MAP3K8: variants seen among roughly 807,000 people sequenced by gnomAD.
MAP3K8 encodes mitogen-activated protein kinase kinase kinase 8.
In MAP3K8, 22 loss-of-function variants were observed where a neutral mutation model predicts 45.8. That is an observed-to-expected ratio of 0.48 (90% CI 0.34 to 0.69). The LOEUF (loss-of-function observed/expected upper bound fraction) is 0.69. Among genes scored for constraint, MAP3K8 ranks in the 30% least tolerant of loss-of-function variants. The pLI is 0.01. For missense variants in MAP3K8, 419 were observed against 585.0 expected (o/e 0.72, Z 2.93); for synonymous variants, 223 against 214.3 (o/e 1.04, Z -0.36).
In MAP3K8 at chr10:30,459,377, A is replaced by G. The variant is rs201275234; in HGVS notation, c.1149A>G (p.Leu383=). The change falls in exon 8 of 9, where the codon CTA becomes CTG. Residue 383 remains leucine (L), a synonymous_variant. Coordinates refer to ENST00000263056, the MANE Select transcript of MAP3K8 (RefSeq NM_005204.4). ...ACCGCCCAAGAGCCGCAGACCTACTAAAACATGAGGCCCTGAACCCGCCCA... is the reference window on the plus strand; with the variant it reads ...ACCGCCCAAGAGCCGCAGACCTACTGAAACATGAGGCCCTGAACCCGCCCA... ...PNHRPRAADL[L]KHEALNPPRE... is the part of the protein sequence containing the mutation. 3.1e-6 allele frequency: 5 copies of G among 1,614,152 alleles called. No homozygotes were observed. Among genetic ancestry groups the G allele is most frequent in the South Asian group, 2.2e-5 (2 of 91,086 alleles).
intron 6 of MAP3K8, among the ~76,000 whole-genome samples, chr10:30,452,849 T>TC (rs965927283): frequency 6.6e-6 from 1 of 151,868 alleles, no homozygotes; most frequent in African/African-American, 2.4e-5. Flanking sequence ...CTAATTTTTT[T>TC]TTTTTTTCAG....
At chr10:30,454,565 TAA>T (rs5784200) in intron 6 of MAP3K8, among the ~76,000 whole-genome samples, 227 of 140,330 alleles carry the variant, frequency 1.6e-3, no homozygotes, top group East Asian at 1.8e-3. Flanking sequence ...GACCTTGTCC[TAA>T]AAAAAAAAAA....
intron 6 of MAP3K8, 123 bp from the exon 7 acceptor site, chr10:30,457,961 G>C (rs1231273131): frequency 7.8e-6 from 6 of 770,714 alleles, no homozygotes; most frequent in Middle Eastern, 2.8e-4. Flanking sequence ...ATGGTTCCTG[G>C]GGAATGCCTG....
intron 8 of MAP3K8, 39 bp downstream of exon 8, chr10:30,459,540 T>C: frequency 6.2e-7 from 1 of 1,607,990 alleles, no homozygotes; most frequent in South Asian, 1.1e-5. Flanking sequence ...CTTACTTCCC[T>C]TCTCTTTCTG....
chr10:30,449,941 T>C (rs1159798643), intron 4 of MAP3K8, among the ~76,000 whole-genome samples: 7 of 152,218 alleles, frequency 4.6e-5, no homozygotes, highest in Non-Finnish European at 8.8e-5. Context: ...TGTTGTCTAA[T>C]AGGTGGGAAA....
intron 3 of MAP3K8, among the ~76,000 whole-genome samples, chr10:30,444,041 T>C (rs2132795911): frequency 6.6e-6 from 1 of 151,412 alleles, no homozygotes; most frequent in Middle Eastern, 3.4e-3. Context: ...AATAAAAAAG[T>C]CAGCCAGGTG....
Position 30,450,485 on chromosome 10 carries a change from A to G in MAP3K8, c.732A>G (p.Leu244=), listed in dbSNP as rs752130088. Residue 244 remains leucine (L), a synonymous_variant, in exon 5 of 9, where the codon CTA becomes CTG. Transcript: ENST00000263056. ...ATGTTCTCAAGGGACTTGATTTTCT[A>G]CACTCAAAGAAAGTGATCCATCATG... ...TKHVLKGLDF[L]HSKKVIHHDI... is the part of the protein sequence containing the mutation. 3.3e-5 allele frequency: 53 copies of G among 1,614,040 alleles called. No homozygotes were observed. The highest frequency in any genetic ancestry group is 4.2e-5 in the Non-Finnish European group (50 of 1,179,980).
In MAP3K8 at chr10:30,447,919, A is replaced by G. The variant is rs1406054811; in HGVS notation, c.474A>G (p.Ile158Met). ...GAAAGGTATACTTGGCACAAGATATAAAGACGAAGAAAAGAATGGCGTGTA... is the reference window on the plus strand; with the variant it reads ...GAAAGGTATACTTGGCACAAGATATGAAGACGAAGAAAAGAATGGCGTGTA... ...AFGKVYLAQD[I>M]KTKKRMACKL... The change falls in exon 4 of 9, where the codon ATA becomes ATG. Residue 158 changes from isoleucine to methionine, a missense_variant. Ile to Met is a conservative substitution (Grantham distance 10, BLOSUM62 1). Around this residue, in one of 3 missense-constraint regions of MAP3K8, gnomAD observed 209 missense variants for 367.3 expected, o/e 0.57. Transcript: ENST00000263056. 9 of 1,611,396 alleles carry G rather than the reference A, an allele frequency of 5.6e-6. No homozygotes were observed. Among genetic ancestry groups the G allele is most frequent in the East Asian group, 4.5e-5 (2 of 44,866 alleles).
intron 1 of MAP3K8, among the ~76,000 whole-genome samples, chr10:30,435,454 C>G (rs1194084687): frequency 2.0e-5 from 3 of 152,144 alleles, no homozygotes; most frequent in Non-Finnish European, 4.4e-5. Context: ...ACGCCTGAAA[C>G]GCATAATCCG....
intron 7 of MAP3K8, 34 bp downstream of exon 7, chr10:30,458,270 G>GGGT: frequency 2.2e-6 from 3 of 1,367,170 alleles, no homozygotes; most frequent in Non-Finnish European, 2.9e-6. Context: ...GGGGGCGGCG[G>GGGT]GGGGGGGCGT....
At chr10:30,436,928 C>T (rs1237865834) in intron 1 of MAP3K8, among the ~76,000 whole-genome samples, 1 of 151,202 alleles carries the variant, frequency 6.6e-6, no homozygotes, top group East Asian at 1.9e-4. Flanking sequence ...CCAGTAAATT[C>T]GACAAGCAGA....
Position 30,453,225 on chromosome 10 carries a change from T to A in MAP3K8, c.873+1481T>A, listed in dbSNP as rs33997781. 4.9e-3 allele frequency among the ~76,000 whole-genome samples: 742 copies of A among 152,182 alleles called. 8 individuals are homozygous for A. The highest frequency in any genetic ancestry group is 7.4e-3 in the Admixed American group (113 of 15,286). On this transcript the variant is annotated intron_variant, in intron 6 of 8. Coordinates refer to ENST00000263056, the MANE Select transcript of MAP3K8 (RefSeq NM_005204.4). Reference sequence around the variant, plus strand: ...CCCTAAGGTCTAACTGCTACATAACTTTAAAAAATTATAATATTACATACA... The same window carrying A: ...CCCTAAGGTCTAACTGCTACATAACATTAAAAAATTATAATATTACATACA...
chr10:30,439,810 A>G (rs1037943051), intron 3 of MAP3K8, among the ~76,000 whole-genome samples: 3 of 152,230 alleles, frequency 2.0e-5, no homozygotes, highest in African/African-American at 7.2e-5. Flanking sequence ...CTCTGTCTCA[A>G]CAACAACAAA....
chr10:30,444,749 C>CT (rs1404575797), intron 3 of MAP3K8, among the ~76,000 whole-genome samples: 1 of 152,196 alleles, frequency 6.6e-6, no homozygotes, highest in Non-Finnish European at 1.5e-5. Flanking sequence ...ACATAAATAA[C>CT]TGAGTTATTT....
At chr10:30,439,523 A>G in intron 3 of MAP3K8, 2 of 916,960 alleles carry the variant, frequency 2.2e-6, no homozygotes, top group Admixed American at 3.1e-5. Flanking sequence ...AGAAGAATGT[A>G]TTTTGGCCGG....
intron 3 of MAP3K8, 113 bp downstream of exon 3, chr10:30,439,387 T>A (rs999322525): frequency 2.0e-6 from 3 of 1,465,134 alleles, no homozygotes; most frequent in East Asian, 2.4e-5. Flanking sequence ...GGCATGATTT[T>A]AAAAAATGTA....
intron 3 of MAP3K8, among the ~76,000 whole-genome samples, chr10:30,441,217 C>A (rs187450318): frequency 1.4e-3 from 208 of 151,056 alleles, no homozygotes; most frequent in Middle Eastern, 3.4e-3. Context: ...AGTGCCGTGG[C>A]GCAATCTTGG....
At position 30,451,705 on chromosome 10, in the gene MAP3K8, C is replaced by A; in HGVS notation, c.834C>A (p.Thr278=). 1 of 1,591,154 alleles carries A rather than the reference C, an allele frequency of 6.3e-7. No homozygotes were observed. The highest frequency in any genetic ancestry group is 1.2e-5 in the South Asian group (1 of 86,154). ...LVDFGLSVQM[T]EDVYFPKDLR... ...ATTTTGGCCTAAGTGTTCAAATGAC[C>A]GAAGATGTCTATTTTCCTAAGGACC... The change falls in exon 6 of 9, where the codon ACC becomes ACA. Residue 278 remains threonine (T), a synonymous_variant. Transcript: ENST00000263056.
intron 1 of MAP3K8, 94 bp downstream of exon 1, chr10:30,434,472 A>G (rs1352814779): frequency 4.1e-6 from 4 of 985,450 alleles, no homozygotes; most frequent in Non-Finnish European, 4.8e-6. Context: ...GGGTGCCCCC[A>G]GCAGAGGGGA....
Sources: gnomAD v4.1 joint callset for allele counts (sites outside exome capture counted in the v4.1 genomes callset) on GRCh38, gnomAD v4.1.1 for gene constraint, gnomAD v4.1.1 regional missense constraint, MANE v1.5 for transcripts, NCBI Gene and HGNC (gene_info 2026-07-23, HGNC 2026-07-21) for gene names.